The following PCDHA3 variants were observed in gnomAD, a reference collection of about 807,000 sequenced individuals.
The protein encoded by PCDHA3 is protocadherin alpha 3.
In PCDHA3, 41 loss-of-function variants were observed where a neutral mutation model predicts 62.2. The ratio of observed to expected loss-of-function variants is 0.66; its 90% CI spans 0.51 to 0.86. The LOEUF is 0.86. PCDHA3 is among the 40% of genes least tolerant of loss of function. The probability of loss-of-function intolerance (pLI) is 0.00; values close to 1 mark genes in which losing one functional copy is unlikely to be tolerated. For missense variants in PCDHA3, 1,304 were observed against 1,241.2 expected, an observed-to-expected ratio of 1.05 and a Z score of -0.76; for synonymous variants, 640 against 555.4, an observed-to-expected ratio of 1.15 and a Z score of -2.14.
chr5:140,924,647 C>G (rs1396293249), intron 1 of PCDHA3, among the ~76,000 whole-genome samples: 1 of 152,132 alleles, frequency 6.6e-6, no homozygotes, highest in East Asian at 1.9e-4. Context: ...GTAATCCCAG[C>G]ACTTTGGGAG....
In PCDHA3 at chr5:140,982,326, G is replaced by T. The variant is rs1369721700; in HGVS notation, c.2454-149G>T. 1.6e-5 allele frequency: 22 copies of T among 1,411,958 alleles called. No homozygotes were observed. In the Admixed American group the frequency reaches 3.0e-4, roughly 20 times the overall value. The allele number at this position is 1,411,958 out of a possible 1,614,324, so 87.5% of individuals were successfully genotyped here. On this transcript the variant is annotated intron_variant, in intron 2 of 3. Transcript: ENST00000522353. ...CTTCTGCAGTTTATGCAGGGTGACTGCTCAGCAGTAATTGCTTCAGTTCAA... is the reference window on the plus strand; with the variant it reads ...CTTCTGCAGTTTATGCAGGGTGACTTCTCAGCAGTAATTGCTTCAGTTCAA...
rs2150482773 is a variant in PCDHA3, at chr5:140,850,408, A to G, written c.2394+46817A>G. The G allele has an allele frequency of 6.3e-6, 10 of 1,597,776 alleles. 1 individual carries two copies. The South Asian group carries it at 9.9e-5, about 16-fold the overall frequency. ...GAGATCAGCACAACGCGTGCCCTGG[A>G]CGAAACGGACGCACCGCGCCAGCGC... On this transcript the variant is annotated intron_variant, in intron 1 of 3. Coordinates refer to ENST00000522353, the MANE Select transcript of PCDHA3 (RefSeq NM_018906.3).
At chr5:140,805,040 C>T in intron 1 of PCDHA3, 1 of 1,587,072 alleles carries the variant, frequency 6.3e-7, no homozygotes, top group Non-Finnish European at 8.5e-7. Flanking sequence ...TAGAGTCAGC[C>T]AAAGTACTTG....
intron 1 of PCDHA3, among the ~76,000 whole-genome samples, chr5:140,904,015 AT>A (rs1171166257): frequency 6.6e-6 from 1 of 152,234 alleles, no homozygotes; most frequent in Non-Finnish European, 1.5e-5. Flanking sequence ...ACTTTAAAAA[AT>A]AATGGTATAA....
intron 3 of PCDHA3, among the ~76,000 whole-genome samples, chr5:141,007,519 T>A (rs1554261363): frequency 6.6e-6 from 1 of 151,934 alleles, no homozygotes; most frequent in African/African-American, 2.4e-5. Context: ...AGTGAGCTGA[T>A]ATCTCGCCAC....
At position 140,849,790 on chromosome 5, in the gene PCDHA3, C is replaced by T. The variant is rs2150450402; in HGVS notation, c.2394+46199C>T. The T allele has an allele frequency of 6.1e-5, 97 of 1,598,120 alleles. 10 individuals are homozygous for T. Among genetic ancestry groups the T allele is most frequent in the Middle Eastern group, 1.7e-4 (1 of 5,854 alleles). On this transcript the variant is annotated intron_variant, in intron 1 of 3. Transcript: ENST00000522353. The stretch of plus-strand genomic sequence containing the variant: ...GTGGTTACCGCGCGGGACGGGGGCT[C>T]GCCTTCACTGTGGGCCACGGCCAGG...
At chr5:140,804,260 A>G (rs900532290) in intron 1 of PCDHA3, 3 of 152,212 alleles carry the variant, frequency 2.0e-5, no homozygotes, top group South Asian at 2.1e-4. Context: ...GAGAATAACA[A>G]TTGCATTTAG....
chr5:140,857,662 T>A (rs782577621), intron 1 of PCDHA3: 2 of 1,596,528 alleles, frequency 1.3e-6, no homozygotes, highest in Non-Finnish European at 1.7e-6. Flanking sequence ...GCGCGCGCGA[T>A]GGGGGCGTGC....
At chr5:140,978,405 A>G (rs919688095) in intron 1 of PCDHA3, among the ~76,000 whole-genome samples, 1 of 152,220 alleles carries the variant, frequency 6.6e-6, no homozygotes, top group Non-Finnish European at 1.5e-5. Context: ...TCCCTCTTCA[A>G]TCAGAAAAGA....
rs924147913 is a variant in PCDHA3 at position 140,802,120 on chromosome 5, T to C, written c.923T>C (p.Ile308Thr). ...GGACAAATCAGTGTAAAGGGTAACATAGATTTCGAGGAAAGTAAGTCATAT... is the reference window on the plus strand; with the variant it reads ...GGACAAATCAGTGTAAAGGGTAACACAGATTTCGAGGAAAGTAAGTCATAT... The part of the protein sequence containing the change: ...VNGQISVKGN[I>T]DFEESKSYEI... Residue 308 changes from isoleucine (I) to threonine (T), a missense_variant, in exon 1 of 4, where the codon ATA (isoleucine) becomes ACA (threonine). Physicochemically the swap from Ile to Thr is moderately conservative, Grantham distance 89. Transcript: ENST00000522353. The C allele has an allele frequency of 3.1e-6, 5 of 1,614,054 alleles. No individual in the cohort carries two copies. Among genetic ancestry groups the C allele is most frequent in the Admixed American group, 1.7e-5 (1 of 60,006 alleles).
At chr5:140,883,225 C>T in intron 1 of PCDHA3, 1 of 1,613,914 alleles carries the variant, frequency 6.2e-7, no homozygotes, top group East Asian at 2.2e-5. Context: ...ATGAAATATC[C>T]GTGGAGGCAG....
intron 1 of PCDHA3, among the ~76,000 whole-genome samples, chr5:140,925,729 A>AAATATTTACAGAAAG (rs1334705925): frequency 8.6e-5 from 13 of 151,770 alleles, no homozygotes; most frequent in African/African-American, 2.9e-4. Context: ...GGTGTTTTCT[A>AAATATTTACAGAAAG]AATATTTACA....
chr5:140,967,762 G>A, intron 1 of PCDHA3: 1 of 1,614,216 alleles, frequency 6.2e-7, no homozygotes, highest in Non-Finnish European at 8.5e-7. Flanking sequence ...CCTCCTACCA[G>A]ATCTATGTGC....
chr5:140,899,465 T>C (rs1291429349), intron 1 of PCDHA3, among the ~76,000 whole-genome samples: 2 of 152,232 alleles, frequency 1.3e-5, no homozygotes, highest in African/African-American at 4.8e-5. Context: ...GTTTTTGTCT[T>C]TGGTTCTGTT....
intron 1 of PCDHA3, among the ~76,000 whole-genome samples, chr5:140,897,068 T>A (rs2153455202): frequency 6.6e-6 from 1 of 152,252 alleles, no homozygotes; most frequent in East Asian, 1.9e-4. Context: ...CTATGTCTTA[T>A]TCATTTTTTC....
chr5:140,804,407 T>C (rs1554123071), intron 1 of PCDHA3: 1 of 152,034 alleles, frequency 6.6e-6, no homozygotes, highest in Non-Finnish European at 1.5e-5. Context: ...AGTTGTATAG[T>C]ATATTTATAT....
chr5:140,825,404 A>T (rs1554130224), intron 1 of PCDHA3: 1 of 146,194 alleles, frequency 6.8e-6, no homozygotes, highest in Non-Finnish European at 1.5e-5. Context: ...AATATATTAT[A>T]TATTTTATAT....
intron 1 of PCDHA3, among the ~76,000 whole-genome samples, chr5:140,818,704 G>A (rs2150102115): frequency 9.9e-5 from 15 of 152,278 alleles, no homozygotes; most frequent in African/African-American, 2.6e-4. Flanking sequence ...TAGATGTGGT[G>A]GTGCACACCT....
intron 1 of PCDHA3, chr5:140,855,912 G>C: frequency 1.7e-6 from 2 of 1,172,642 alleles, no homozygotes; most frequent in Non-Finnish European, 2.4e-6. Flanking sequence ...GTTTCTCAAG[G>C]ACTAGGAAGT....
Sources: allele counts gnomAD v4.1 joint callset (sites outside exome capture counted in the v4.1 genomes callset), GRCh38; gene constraint gnomAD v4.1.1; transcripts MANE v1.5; gene names NCBI Gene and HGNC (gene_info 2026-07-23, HGNC 2026-07-21).